SLC7A5: variants seen among roughly 807,000 people sequenced by gnomAD.
SLC7A5 encodes solute carrier family 7 member 5.
A neutral mutation model predicts 50.2 loss-of-function variants in SLC7A5; 23 were observed. The observed-to-expected ratio is 0.46, with a 90% CI of 0.33 to 0.65. SLC7A5 has a LOEUF of 0.65. Among genes scored for constraint, SLC7A5 ranks in the 30% least tolerant of loss-of-function variants. The pLI, the probability that SLC7A5 is intolerant of heterozygous loss-of-function variation, is 0.02. For synonymous variants in SLC7A5, 393 were observed against 330.6 expected (o/e 1.19, Z -2.05); for missense variants, 578 against 684.4 (o/e 0.84, Z 1.73).
Position 87,854,696 on chromosome 16 carries a change from G to A in SLC7A5, c.539-2847C>T, listed in dbSNP as rs543186696. On this transcript the variant is annotated intron_variant, in intron 1 of 9. Transcript: ENST00000261622. Reference sequence around the variant, plus strand: ...ACAGCTGGGCCAGGAGATAAAACCCGTCCGGGGATACCCCGTGGCGTGGCT... The same window carrying A: ...ACAGCTGGGCCAGGAGATAAAACCCATCCGGGGATACCCCGTGGCGTGGCT... 1.8e-4 allele frequency among the ~76,000 whole-genome samples: 27 copies of A among 152,394 alleles called. No homozygotes were observed. The East Asian group carries it at 2.9e-3, about 16-fold the overall frequency.
intron 1 of SLC7A5, among the ~76,000 whole-genome samples, chr16:87,856,067 C>T (rs542197867): frequency 6.6e-6 from 1 of 152,320 alleles, no homozygotes; most frequent in South Asian, 2.1e-4. Context: ...TCCCGGGCCC[C>T]TTCGAGCCCA....
At chr16:87,839,284 A>T (rs1281229444) in intron 5 of SLC7A5, among the ~76,000 whole-genome samples, 1 of 151,938 alleles carries the variant, frequency 6.6e-6, no homozygotes, top group East Asian at 1.9e-4. Context: ...GCCCGGTGAC[A>T]CCGCCCGGGC....
intron 4 of SLC7A5, among the ~76,000 whole-genome samples, chr16:87,840,145 C>G (rs1216410169): frequency 6.6e-6 from 1 of 152,238 alleles, no homozygotes; most frequent in African/African-American, 2.4e-5. Context: ...GCTCTGCCCA[C>G]GAGCTGCACA....
chr16:87,868,115 C>CA (rs11372656), intron 1 of SLC7A5, among the ~76,000 whole-genome samples: 21,797 of 79,914 alleles, frequency 0.27, 2,206 homozygotes, highest in South Asian at 0.34. Context: ...GACTCAGTGT[C>CA]AAAAAAAAAA....
chr16:87,837,915 C>T lies in SLC7A5; in HGVS notation c.1070G>A (p.Gly357Asp). The T allele has an allele frequency of 6.2e-7, 1 of 1,607,192 alleles. No homozygotes were observed. Among genetic ancestry groups the T allele is most frequent in the Non-Finnish European group, 8.5e-7 (1 of 1,177,974 alleles). ...CATGGAGAGGATGGAGGGCAGGTGGCCTTCCCGGGACCCCACGAAGAAGAG... is the reference window on the plus strand; with the variant it reads ...CATGGAGAGGATGGAGGGCAGGTGGTCTTCCCGGGACCCCACGAAGAAGAG... The part of the protein sequence containing the change: ...SRLFFVGSRE[G>D]HLPSILSMIH... Residue 357 changes from glycine (G) to aspartate (D), a missense_variant, in exon 7 of 10, where the codon GGC becomes GAC. Physicochemically the swap from Gly to Asp is moderately conservative, Grantham distance 94 (BLOSUM62 -1). Coordinates refer to ENST00000261622, the MANE Select transcript of SLC7A5 (RefSeq NM_003486.7).
intron 1 of SLC7A5, among the ~76,000 whole-genome samples, chr16:87,854,514 T>G (rs2143799321): frequency 6.6e-6 from 1 of 152,352 alleles, no homozygotes; most frequent in South Asian, 2.1e-4. Context: ...TGCTGGCACT[T>G]GCCCTCTCCC....
In SLC7A5 at chr16:87,863,183, C is replaced by T. The variant is rs2055420455; in HGVS notation, c.538+5702G>A. On this transcript the variant is annotated intron_variant, in intron 1 of 9. Coordinates refer to ENST00000261622, the MANE Select transcript of SLC7A5 (RefSeq NM_003486.7). ...TGAGACTGAGCCAGGGTATCTTCTC[C>T]ACGATGCAGTGAGCCCATCGGGCCC... Among the ~76,000 whole-genome samples the T allele has an allele frequency of 2.0e-5, 3 of 152,200 alleles. No individual in the cohort carries two copies. The South Asian group carries it at 6.2e-4, about 31-fold the overall frequency.
At position 87,834,562 on chromosome 16, in the gene SLC7A5, G is replaced by C; in HGVS notation, c.1320C>G (p.Ile440Met). 1 of 1,597,914 alleles carries C rather than the reference G, an allele frequency of 6.3e-7. No homozygotes were observed. Among genetic ancestry groups the C allele is most frequent in the Non-Finnish European group, 8.5e-7 (1 of 1,174,008 alleles). ...CGGCGATCAGGAAGAGGCAGGCCAG[G>C]ATGAAGAACACAGGCAGGGCCAGGT... The part of the protein sequence containing the change: ...KVNLALPVFF[I>M]LACLFLIAVS... The change falls in exon 9 of 10, where the codon ATC (isoleucine) becomes ATG (methionine). Residue 440 changes from isoleucine (I) to methionine (M), a missense_variant. Around this residue, in one of 2 missense-constraint regions of SLC7A5, gnomAD observed 465 missense variants for 594.6 expected, o/e 0.78. Coordinates refer to ENST00000261622, the MANE Select transcript of SLC7A5 (RefSeq NM_003486.7).
intron 4 of SLC7A5, 136 bp from the exon 5 acceptor site, chr16:87,839,961 C>T: frequency 3.3e-6 from 4 of 1,211,562 alleles, no homozygotes; most frequent in Non-Finnish European, 3.5e-6. Flanking sequence ...AGGTGGGAAG[C>T]AGCAAGAGAA....
At chr16:87,863,864 C>G (rs1280355154) in intron 1 of SLC7A5, among the ~76,000 whole-genome samples, 1 of 151,690 alleles carries the variant, frequency 6.6e-6, no homozygotes, top group South Asian at 2.1e-4. Context: ...GGCTGAGGAT[C>G]CAGACCCGAA....
At chr16:87,848,235 T>C (rs942857463) in intron 2 of SLC7A5, among the ~76,000 whole-genome samples, 2 of 152,216 alleles carry the variant, frequency 1.3e-5, no homozygotes, top group Admixed American at 6.5e-5. Context: ...TGCCCAACTA[T>C]CCAATCTGTA....
chr16:87,857,816 T>G (rs192650907), intron 1 of SLC7A5, among the ~76,000 whole-genome samples: 188 of 152,360 alleles, frequency 1.2e-3, no homozygotes, highest in East Asian at 0.011. Flanking sequence ...GTCTTTGTAC[T>G]TTTTTCCATT....
chr16:87,834,657 G>T (rs1365812152), intron 8 of SLC7A5, 66 bp from the exon 9 acceptor site: 1 of 1,531,730 alleles, frequency 6.5e-7, no homozygotes, highest in Non-Finnish European at 8.8e-7. Flanking sequence ...ATGCCCCGAG[G>T]TTCCTCAGCC....
Position 87,853,200 on chromosome 16 carries a change from T to G in SLC7A5, c.539-1351A>C, listed in dbSNP as rs564561436. On this transcript the variant is annotated intron_variant, in intron 1 of 9. Transcript: ENST00000261622. This position sits in a 1 kb window ranked among gnomAD's most constrained non-coding sequence, Gnocchi z 4.4. ...CTTTTCCCCAGCTGAACAAATCCTG[T>G]GGAATCTTACAATGTAAGCAACAGA... Among the ~76,000 whole-genome samples, 1 of 152,334 alleles carries G rather than the reference T, an allele frequency of 6.6e-6. No homozygotes were observed. Among genetic ancestry groups the G allele is most frequent in the East Asian group, 1.9e-4 (1 of 5,188 alleles).
rs1285954303 is a variant in SLC7A5 at position 87,860,346 on chromosome 16, A to G, written c.539-8497T>C. ...ATCTCAAAAAAAAAAAAAAATACACACACACACACACACACACACACACAC... is the reference window on the plus strand; with the variant it reads ...ATCTCAAAAAAAAAAAAAAATACACGCACACACACACACACACACACACAC... On this transcript the variant is annotated intron_variant, in intron 1 of 9. Coordinates refer to ENST00000261622, the MANE Select transcript of SLC7A5 (RefSeq NM_003486.7). The surrounding 1 kb of genome is among the most constrained non-coding windows in gnomAD (Gnocchi z 4.8). Among the ~76,000 whole-genome samples, 6 of 9,272 alleles carry G rather than the reference A, an allele frequency of 6.5e-4. No individual in the cohort carries two copies. Among genetic ancestry groups the G allele is most frequent in the African/African-American group, 1.4e-3 (6 of 4,160 alleles). 6.1% of individuals were successfully genotyped at this position (9,272 alleles called of 152,430 possible). A position where few individuals can be genotyped will look rare whatever the true frequency, so the allele number is the denominator to read the frequency against.
At chr16:87,837,377 C>T (rs2055020295) in intron 7 of SLC7A5, 2 of 193,714 alleles carry the variant, frequency 1.0e-5, no homozygotes, top group Non-Finnish European at 2.2e-5. Context: ...TCCTGACTTA[C>T]GGAAACTGTG....
At position 87,861,365 on chromosome 16, in the gene SLC7A5, G is replaced by T. The variant is rs1379140499; in HGVS notation, c.538+7520C>A. Among the ~76,000 whole-genome samples, 2 of 152,170 alleles carry T rather than the reference G, an allele frequency of 1.3e-5. No individual in the cohort carries two copies. The highest frequency in any genetic ancestry group is 2.9e-5 in the Non-Finnish European group (2 of 68,008). On this transcript the variant is annotated intron_variant, in intron 1 of 9. Transcript: ENST00000261622. This position sits in a 1 kb window ranked among gnomAD's most constrained non-coding sequence, Gnocchi z 4.2. ...GCCGACTGGGCCACCCAGTCTTGCT[G>T]ACTGACACCTCCCCAGACCCCTGGC...
intron 1 of SLC7A5, among the ~76,000 whole-genome samples, chr16:87,858,487 AC>A (rs1597513973): frequency 6.6e-6 from 1 of 151,914 alleles, no homozygotes. Flanking sequence ...AGGAGTGAAA[AC>A]CCGCTCCAGT....
chr16:87,869,484 G>C lies in SLC7A5; in HGVS notation c.-62C>G. On this transcript the variant is annotated 5_prime_UTR_variant, in exon 1 of 10. Transcript: ENST00000261622. The stretch of plus-strand genomic sequence containing the variant: ...CCGCGGCCCAGCGAGCAGTGTGCGC[G>C]CCGCCCGCCGCCCGCAGCTGCGTCA... 3 of 1,131,702 alleles carry C rather than the reference G, an allele frequency of 2.7e-6. No individual in the cohort carries two copies. The highest frequency in any genetic ancestry group is 3.3e-6 in the Non-Finnish European group (3 of 919,068). The allele number at this position is 1,131,702 out of a possible 1,614,324, so 70.1% of individuals were successfully genotyped here. A position where few individuals can be genotyped will look rare whatever the true frequency, so the allele number is the denominator to read the frequency against.
Sources: gnomAD v4.1 joint callset for allele counts (sites outside exome capture counted in the v4.1 genomes callset) on GRCh38, gnomAD v4.1.1 for gene constraint, gnomAD v4.1.1 regional missense constraint, Gnocchi (gnomAD v3.1) non-coding constraint, MANE v1.5 for transcripts, NCBI Gene and HGNC (gene_info 2026-07-23, HGNC 2026-07-21) for gene names.